Variants in SEMA5A observed in about 807,000 individuals in gnomAD.
The protein encoded by SEMA5A is semaphorin 5A, also known as semaphorin-5A.
In SEMA5A, 55 loss-of-function variants were observed where a neutral mutation model predicts 135.5. The ratio of observed to expected loss-of-function variants is 0.41; its 90% CI spans 0.33 to 0.51. The LOEUF (loss-of-function observed/expected upper bound fraction) is 0.51, where lower values mean the gene tolerates loss of function less well. SEMA5A is among the 20% of genes least tolerant of loss of function. The pLI, the probability that SEMA5A is intolerant of heterozygous loss-of-function variation, is 0.37. For missense variants in SEMA5A, 1,290 were observed against 1,419.9 expected, an observed-to-expected ratio of 0.91 and a Z score of 1.47; for synonymous variants, 580 against 546.5, an observed-to-expected ratio of 1.06 and a Z score of -0.85.
chr5:9,386,042 T>C (rs555349174), intron 2 of SEMA5A, among the ~76,000 whole-genome samples: 34 of 152,194 alleles, frequency 2.2e-4, no homozygotes, highest in Admixed American at 2.0e-3. Flanking sequence ...CCTCGTGATC[T>C]GCCCACCTCA....
intron 2 of SEMA5A, among the ~76,000 whole-genome samples, chr5:9,401,201 G>A (rs16882646): frequency 0.046 from 6,949 of 152,242 alleles, 385 homozygotes; most frequent in African/African-American, 0.13. Flanking sequence ...CAAGCTGGAA[G>A]ACCCAGTGAG....
At position 9,173,595 on chromosome 5, in the gene SEMA5A, C is replaced by A. The variant is rs1463099185; in HGVS notation, c.1273+16672G>T. 8.1e-4 allele frequency among the ~76,000 whole-genome samples: 124 copies of A among 152,220 alleles called. 2 individuals are homozygous for A. On this transcript the variant is annotated intron_variant, in intron 11 of 22. Transcript: ENST00000382496. ...TCTTCTATTGGGCACTAATCCCATT[C>A]ATGAGGAATCCATCCTCATGACCTA...
At chr5:9,214,004 G>C (rs1227449987) in intron 8 of SEMA5A, among the ~76,000 whole-genome samples, 2 of 152,138 alleles carry the variant, frequency 1.3e-5, no homozygotes, top group African/African-American at 4.8e-5. Context: ...AACAGTGTGA[G>C]AAAGGGATGG....
At chr5:9,072,240 A>G (rs1359777826) in intron 16 of SEMA5A, among the ~76,000 whole-genome samples, 1 of 152,210 alleles carries the variant, frequency 6.6e-6, no homozygotes, top group Non-Finnish European at 1.5e-5. Context: ...CATGAGTGCC[A>G]CAACCTACAG....
At chr5:9,226,248 G>A (rs1747304778) in intron 7 of SEMA5A, among the ~76,000 whole-genome samples, 1 of 152,186 alleles carries the variant, frequency 6.6e-6, no homozygotes, top group Non-Finnish European at 1.5e-5. Flanking sequence ...ATTCCCAGAG[G>A]AAGGTTGCAT....
chr5:9,220,573 T>G (rs1021079875), intron 8 of SEMA5A, among the ~76,000 whole-genome samples: 3 of 152,122 alleles, frequency 2.0e-5, no homozygotes, highest in African/African-American at 7.2e-5. Flanking sequence ...AAATTTGGTA[T>G]AGATGGGAAT....
intron 3 of SEMA5A, among the ~76,000 whole-genome samples, chr5:9,344,331 C>G (rs927763034): frequency 6.6e-5 from 10 of 152,170 alleles, no homozygotes; most frequent in Admixed American, 4.6e-4. Context: ...CAGAATAAGG[C>G]TAAGGCAATA....
At chr5:9,100,176 T>C (rs931314729) in intron 16 of SEMA5A, among the ~76,000 whole-genome samples, 2 of 152,202 alleles carry the variant, frequency 1.3e-5, no homozygotes, top group African/African-American at 4.8e-5. Flanking sequence ...CTCCAGATTG[T>C]GTTTAACCCC....
At chr5:9,128,396 G>A (rs989222773) in intron 13 of SEMA5A, among the ~76,000 whole-genome samples, 1 of 152,178 alleles carries the variant, frequency 6.6e-6, no homozygotes, top group Non-Finnish European at 1.5e-5. Context: ...AAATGAAGAG[G>A]AGGAAGCTTT....
At chr5:9,142,500 G>A (rs1292371064) in intron 12 of SEMA5A, among the ~76,000 whole-genome samples, 1 of 152,174 alleles carries the variant, frequency 6.6e-6, no homozygotes, top group African/African-American at 2.4e-5. Flanking sequence ...CTGTGCAAGA[G>A]CCACACTTCA....
rs554729752 is a variant in SEMA5A at position 9,243,896 on chromosome 5, C to T, written c.271-6006G>A. Among the ~76,000 whole-genome samples, 11 of 152,196 alleles carry T rather than the reference C, an allele frequency of 7.2e-5. No individual in the cohort carries two copies. The South Asian group carries it at 1.5e-3, about 20-fold the overall frequency. ...TTTACAGTTTCTTTGTTTTCCACCC[C>T]GTAATTTAGAAAAATACATATCTGA... is the stretch of plus-strand genomic sequence containing the variant. On this transcript the variant is annotated intron_variant, in intron 5 of 22. Transcript: ENST00000382496.
At chr5:9,508,627 C>A (rs1736039652) in intron 1 of SEMA5A, among the ~76,000 whole-genome samples, 1 of 152,146 alleles carries the variant, frequency 6.6e-6, no homozygotes, top group Non-Finnish European at 1.5e-5. Flanking sequence ...CTACCTAGGC[C>A]TTCTCCCTTC....
chr5:9,464,182 C>A (rs1210255254), intron 1 of SEMA5A, among the ~76,000 whole-genome samples: 3 of 152,138 alleles, frequency 2.0e-5, no homozygotes, highest in African/African-American at 7.2e-5. Flanking sequence ...CCCTAGGAAA[C>A]AAAGTTGCCC....
chr5:9,540,163 T>G (rs1248038222), intron 1 of SEMA5A, among the ~76,000 whole-genome samples: 3 of 152,212 alleles, frequency 2.0e-5, no homozygotes, highest in African/African-American at 7.2e-5. Context: ...GCCTCCTGCG[T>G]GCCAGGCACT....
At chr5:9,489,535 A>G (rs535540250) in intron 1 of SEMA5A, among the ~76,000 whole-genome samples, 253 of 152,316 alleles carry the variant, frequency 1.7e-3, no homozygotes, top group Non-Finnish European at 3.0e-3. Context: ...TGTGGGTTAC[A>G]CGGCCAATAT....
At chr5:9,370,382 T>C (rs1312478210) in intron 3 of SEMA5A, among the ~76,000 whole-genome samples, 1 of 152,122 alleles carries the variant, frequency 6.6e-6, no homozygotes, top group Non-Finnish European at 1.5e-5. Context: ...ACACTGGGGA[T>C]TAGAGGAATC....
chr5:9,059,630 A>G (rs1737074753), intron 18 of SEMA5A, among the ~76,000 whole-genome samples: 1 of 152,144 alleles, frequency 6.6e-6, no homozygotes, highest in South Asian at 2.1e-4. Flanking sequence ...GCTCACTGCA[A>G]ACTCCACCTC....
intron 4 of SEMA5A, among the ~76,000 whole-genome samples, chr5:9,330,367 G>C (rs893315466): frequency 3.3e-5 from 5 of 150,554 alleles, no homozygotes; most frequent in Non-Finnish European, 7.4e-5. Flanking sequence ...TCCAGCCTGG[G>C]CGACAGAGCG....
Position 9,224,659 on chromosome 5 carries a change from T to C in SEMA5A, c.646+15A>G, listed in dbSNP as rs773446663. 7 of 1,611,490 alleles carry C rather than the reference T, an allele frequency of 4.3e-6. No individual in the cohort carries two copies. In the Admixed American group the frequency reaches 1.2e-4, roughly 27 times the overall value. On this transcript the variant is annotated intron_variant, in intron 8 of 22. Coordinates refer to ENST00000382496, the MANE Select transcript of SEMA5A (RefSeq NM_003966.3). ...GACAAATGAGGTGAGAAAGAGGGAGTGACGGAAGGCTTACCATTGAGCCAT... is the reference window on the plus strand; with the variant it reads ...GACAAATGAGGTGAGAAAGAGGGAGCGACGGAAGGCTTACCATTGAGCCAT...
Sources: allele counts gnomAD v4.1 joint callset (sites outside exome capture counted in the v4.1 genomes callset), GRCh38; gene constraint gnomAD v4.1.1; transcripts MANE v1.5; gene names NCBI Gene and HGNC (gene_info 2026-07-23, HGNC 2026-07-21).